NGEF: variants seen among roughly 807,000 people sequenced by gnomAD.
NGEF encodes ephexin-1.
A neutral mutation model predicts 80.9 loss-of-function variants in NGEF; 31 were observed. The observed-to-expected ratio is 0.38, with a 90% CI of 0.29 to 0.52. NGEF has a LOEUF of 0.52. NGEF is among the 20% of genes least tolerant of loss of function. The pLI is 0.84. For synonymous variants in NGEF, 371 were observed against 370.2 expected (o/e 1.00, Z -0.03); for missense variants, 709 against 926.2 (o/e 0.77, Z 3.04).
chr2:232,945,213 C>A (rs1693533766), intron 3 of NGEF, among the ~76,000 whole-genome samples: 1 of 151,740 alleles, frequency 6.6e-6, no homozygotes, highest in South Asian at 2.1e-4. Context: ...AAATTTAGTT[C>A]AAGTAATTTT....
At position 232,883,296 on chromosome 2, in the gene NGEF, C is replaced by T. The variant is rs199562149; in HGVS notation, c.1757+15G>A. The T allele has an allele frequency of 1.1e-3, 1,705 of 1,575,708 alleles. 3 individuals are homozygous for T. Among genetic ancestry groups the T allele is most frequent in the Non-Finnish European group, 1.4e-3 (1,632 of 1,156,896 alleles). ...GCCACGGGTAGCACTGGGCGTGTGGCGGCGAGGCACTCACTGAGAGGACGC... is the reference window on the plus strand; with the variant it reads ...GCCACGGGTAGCACTGGGCGTGTGGTGGCGAGGCACTCACTGAGAGGACGC... On this transcript the variant is annotated intron_variant, in intron 12 of 14. Coordinates refer to ENST00000264051, the MANE Select transcript of NGEF (RefSeq NM_019850.3).
chr2:232,996,187 G>T (rs2106339955), intron 1 of NGEF, among the ~76,000 whole-genome samples: 2 of 152,200 alleles, frequency 1.3e-5, no homozygotes, highest in South Asian at 4.2e-4. Context: ...AATTAGCCGG[G>T]TGTGGTAGCA....
chr2:232,995,513 A>G (rs548010298), intron 1 of NGEF, among the ~76,000 whole-genome samples: 1 of 6,468 alleles, frequency 1.5e-4, no homozygotes, highest in Non-Finnish European at 3.7e-4. Context: ...TACATACTGT[A>G]TATATATACA....
chr2:232,928,854 C>T (rs566434991), intron 3 of NGEF, among the ~76,000 whole-genome samples: 1 of 152,338 alleles, frequency 6.6e-6, no homozygotes, highest in East Asian at 1.9e-4. Context: ...CTGGACTCTG[C>T]GCCTTCGCGT....
At position 232,918,753 on chromosome 2, in the gene NGEF, C is replaced by T. The variant is rs1692868609; in HGVS notation, c.828+1531G>A. 1.3e-5 allele frequency among the ~76,000 whole-genome samples: 2 copies of T among 151,650 alleles called. 1 individual carries two copies. The highest frequency in any genetic ancestry group is 2.9e-5 in the Non-Finnish European group (2 of 67,926). ...AAGCGATTCTCCTACCTCAGCCTCC[C>T]AAGTAGCTGGGATTACAGGCGCCTG... On this transcript the variant is annotated intron_variant, in intron 5 of 14. Transcript: ENST00000264051.
chr2:232,998,562 G>C (rs918285061), intron 1 of NGEF, among the ~76,000 whole-genome samples: 1 of 152,148 alleles, frequency 6.6e-6, no homozygotes, highest in African/African-American at 2.4e-5. Flanking sequence ...CATGCCATAG[G>C]GGGGCTACAG....
chr2:232,954,541 C>T (rs1207667155), intron 3 of NGEF, among the ~76,000 whole-genome samples: 2 of 151,662 alleles, frequency 1.3e-5, no homozygotes, highest in African/African-American at 2.4e-5. Flanking sequence ...CTGGCTAACA[C>T]GGTGAAACGC....
chr2:232,888,717 G>A (rs2106224148), intron 8 of NGEF, among the ~76,000 whole-genome samples: 1 of 152,338 alleles, frequency 6.6e-6, no homozygotes, highest in African/African-American at 2.4e-5. Context: ...GACAGGGGTA[G>A]GGGGACCAAG....
chr2:232,920,242 C>T (rs201411578), intron 5 of NGEF, 42 bp downstream of exon 5: 253 of 1,575,980 alleles, frequency 1.6e-4, no homozygotes, highest in East Asian at 2.7e-4. Flanking sequence ...AGGGCCACCC[C>T]GGTGTGCTGT....
Position 232,879,432 on chromosome 2 carries a change from C to CG in NGEF, c.*56_*57insC, listed in dbSNP as rs1553543019. The CG allele has an allele frequency of 7.6e-4, 1,064 of 1,394,204 alleles. 8 individuals carry two copies. The African/African-American group carries it at 0.014, about 18-fold the overall frequency. 86.4% of individuals were successfully genotyped at this position (1,394,204 alleles called of 1,614,324 possible). Reference sequence around the variant, plus strand: ...TGTGCTTCCCAGAGCCCCCCCCCCCCCACCTTCTGTCGGGGTCTCATGCAG... The same window carrying CG: ...TGTGCTTCCCAGAGCCCCCCCCCCCCGCACCTTCTGTCGGGGTCTCATGCAG... On this transcript the variant is annotated 3_prime_UTR_variant, in exon 15 of 15. Coordinates refer to ENST00000264051, the MANE Select transcript of NGEF (RefSeq NM_019850.3).
At chr2:232,897,434 C>T (rs112813227) in intron 5 of NGEF, among the ~76,000 whole-genome samples, 78 of 152,216 alleles carry the variant, frequency 5.1e-4, no homozygotes, top group African/African-American at 1.7e-3. Context: ...TCCAGAAAGT[C>T]ACATGGCTGG....
chr2:233,000,604 C>G (rs996819054), intron 1 of NGEF, among the ~76,000 whole-genome samples: 1 of 151,908 alleles, frequency 6.6e-6, no homozygotes, highest in African/African-American at 2.4e-5. Flanking sequence ...AAAAAAAATA[C>G]AAAAAATTAG....
intron 5 of NGEF, among the ~76,000 whole-genome samples, chr2:232,899,637 C>T (rs1173562520): frequency 7.1e-6 from 1 of 141,110 alleles, no homozygotes; most frequent in Non-Finnish European, 1.5e-5. Context: ...CACAGTCACT[C>T]ATATACACGT....
intron 1 of NGEF, among the ~76,000 whole-genome samples, chr2:232,978,531 G>A (rs1038595318): frequency 6.6e-6 from 1 of 151,918 alleles, no homozygotes; most frequent in Non-Finnish European, 1.5e-5. Context: ...AAGACAAAAC[G>A]AAACAAAAAT....
intron 3 of NGEF, among the ~76,000 whole-genome samples, chr2:232,954,326 C>G (rs995345136): frequency 6.6e-6 from 1 of 152,056 alleles, no homozygotes. Flanking sequence ...AATAAGATAC[C>G]AGCCCAGCCC....
At chr2:232,980,024 G>A (rs1039013236) in intron 1 of NGEF, among the ~76,000 whole-genome samples, 1 of 152,184 alleles carries the variant, frequency 6.6e-6, no homozygotes, top group Non-Finnish European at 1.5e-5. Flanking sequence ...TGGTGCGGCA[G>A]GGGTCACACT....
intron 3 of NGEF, among the ~76,000 whole-genome samples, chr2:232,936,005 C>T (rs766321286): frequency 6.6e-6 from 1 of 152,138 alleles, no homozygotes. Context: ...GAGGCAGAAC[C>T]AGCAGTCGAA....
chr2:232,932,946 A>T (rs1043186287), intron 3 of NGEF, among the ~76,000 whole-genome samples: 4 of 54,094 alleles, frequency 7.4e-5, no homozygotes, highest in Non-Finnish European at 1.5e-4. Context: ...TCTACTAAAA[A>T]TACAAAAAAA....
Position 233,013,160 on chromosome 2 carries a change from G to A in NGEF, c.-167C>T, listed in dbSNP as rs1228858299. 2 of 471,152 alleles carry A rather than the reference G, an allele frequency of 4.2e-6. No homozygotes were observed. The highest frequency in any genetic ancestry group is 2.3e-5 in the Admixed American group (1 of 42,568). 29.2% of individuals were successfully genotyped at this position (471,152 alleles called of 1,614,324 possible). A position where few individuals can be genotyped will look rare whatever the true frequency, so the allele number is the denominator to read the frequency against. ...TCCAGGCACCTGCGAGCAGGATGGT[G>A]TGTCCCCGGCTAAATCCACAGGCGC... On this transcript the variant is annotated 5_prime_UTR_variant, in exon 1 of 15. Coordinates refer to ENST00000264051, the MANE Select transcript of NGEF (RefSeq NM_019850.3).
Sources: allele counts gnomAD v4.1 joint callset (sites outside exome capture counted in the v4.1 genomes callset), GRCh38; gene constraint gnomAD v4.1.1; transcripts MANE v1.5; gene names NCBI Gene and HGNC (gene_info 2026-07-23, HGNC 2026-07-21).